PIK3CD: variants seen among roughly 807,000 people sequenced by gnomAD.
PIK3CD encodes the protein phosphatidylinositol 4,5-bisphosphate 3-kinase catalytic subunit delta isoform.
Under a neutral mutation model 122.9 loss-of-function variants are expected in PIK3CD, and 20 were observed. That is an observed-to-expected ratio of 0.16 (90% CI 0.11 to 0.24). The LOEUF (loss-of-function observed/expected upper bound fraction) is 0.24. Ranked by LOEUF, PIK3CD falls within the 10% of genes least tolerant of loss-of-function variation. The pLI is 1.00. For missense variants in PIK3CD, 787 were observed against 1,406.3 expected, an observed-to-expected ratio of 0.56 and a Z score of 7.04; for synonymous variants, 596 against 593.4, an observed-to-expected ratio of 1.00 and a Z score of -0.06.
rs1646195364 is a variant in PIK3CD at position 9,691,524 on chromosome 1, G to C, written c.-80G>C. ...ATTGATTCTAAAGCATCTTTAATCT[G>C]CCAGGCGGAGGGGGCTTTGCTGGTC... On this transcript the variant is annotated 5_prime_UTR_variant, in exon 2 of 24. Transcript: ENST00000377346. 2.5e-6 allele frequency: 1 copy of C among 398,646 alleles called. No individual in the cohort carries two copies. The highest frequency in any genetic ancestry group is 4.4e-6 in the Non-Finnish European group (1 of 226,092). The allele number at this position is 398,646 out of a possible 1,614,324, so 24.7% of individuals were successfully genotyped here. A position where few individuals can be genotyped will look rare whatever the true frequency, so the allele number is the denominator to read the frequency against.
chr1:9,719,660 CA>C lies in PIK3CD; in HGVS notation c.1243-247del, dbSNP rs34093717. Among the ~76,000 whole-genome samples, 104 of 126,762 alleles carry C rather than the reference CA, an allele frequency of 8.2e-4. No individual in the cohort carries two copies. Among genetic ancestry groups the C allele is most frequent in the Admixed American group, 1.4e-3 (18 of 12,686 alleles). The allele number at this position is 126,762 out of a possible 152,430, so 83.2% of individuals were successfully genotyped here. A position where few individuals can be genotyped will look rare whatever the true frequency, so the allele number is the denominator to read the frequency against. On this transcript the variant is annotated intron_variant, in intron 9 of 23. Transcript: ENST00000377346. The surrounding 1 kb of genome is among the most constrained non-coding windows in gnomAD (Gnocchi z 5.5). ...TGGGTGACAGAGCAAGACTCCGTCT[CA>C]AAAAAAAAAAAAAGCCTGAGTAGGG...
At position 9,684,845 on chromosome 1, in the gene PIK3CD, C is replaced by CAA. The variant is rs200995845; in HGVS notation, c.-137-6607_-137-6606dup. Among the ~76,000 whole-genome samples, 245 of 108,626 alleles carry CAA rather than the reference C, an allele frequency of 2.3e-3. 1 individual carries two copies. The highest frequency in any genetic ancestry group is 5.7e-3 in the South Asian group (19 of 3,312). The allele number at this position is 108,626 out of a possible 152,430, so 71.3% of individuals were successfully genotyped here. A position where few individuals can be genotyped will look rare whatever the true frequency, so the allele number is the denominator to read the frequency against. ...TGGGTCACAGTGTGAGACCCTGTCTCAAAAAAAAAAAAAAAAGAAAGAAAA... is the reference window on the plus strand; with the variant it reads ...TGGGTCACAGTGTGAGACCCTGTCTCAAAAAAAAAAAAAAAAAAGAAAGAAAA... On this transcript the variant is annotated intron_variant, in intron 1 of 23. Transcript: ENST00000377346.
chr1:9,647,871 T>C (rs1363439708), upstream of PIK3CD, among the ~76,000 whole-genome samples: 1 of 152,188 alleles, frequency 6.6e-6, no homozygotes, highest in Non-Finnish European at 1.5e-5. Flanking sequence ...TGTTTATGGA[T>C]GTAAAACAGA....
chr1:9,726,983 T>C lies in PIK3CD; in HGVS notation c.3072T>C (p.Arg1024=). ...HFRVKFNEAL[R]ESWKTKVNWL... is the part of the protein sequence containing the mutation. ...GAGTGAAGTTTAACGAAGCCCTCCG[T>C]GAGAGCTGGAAAACCAAAGTGAACT... The change falls in exon 24 of 24, where the codon CGT becomes CGC. Residue 1024 remains arginine (R), a synonymous_variant. Coordinates refer to ENST00000377346, the MANE Select transcript of PIK3CD (RefSeq NM_005026.5). The C allele has an allele frequency of 6.2e-7, 1 of 1,613,184 alleles. No individual in the cohort carries two copies. Among genetic ancestry groups the C allele is most frequent in the Non-Finnish European group, 8.5e-7 (1 of 1,179,284 alleles).
rs189896461 is a variant in PIK3CD, at chr1:9,700,684, G to A, written c.-33+9113G>A. Reference sequence around the variant, plus strand: ...TGCTGACTCCACAGATCTGTCCCCCGCCCTCCCACCTGGGGAGTTTGCCCC... The same window carrying A: ...TGCTGACTCCACAGATCTGTCCCCCACCCTCCCACCTGGGGAGTTTGCCCC... On this transcript the variant is annotated intron_variant, in intron 2 of 23. Coordinates refer to ENST00000377346, the MANE Select transcript of PIK3CD (RefSeq NM_005026.5). The surrounding 1 kb of genome is among the most constrained non-coding windows in gnomAD (Gnocchi z 5.1). 3.4e-4 allele frequency among the ~76,000 whole-genome samples: 52 copies of A among 152,072 alleles called. No homozygotes were observed. The highest frequency in any genetic ancestry group is 1.1e-3 in the African/African-American group (46 of 41,486).
chr1:9,664,558 A>T (rs1263763357), intron 1 of PIK3CD, among the ~76,000 whole-genome samples: 2 of 151,952 alleles, frequency 1.3e-5, no homozygotes. Flanking sequence ...ATGCAATTCG[A>T]CCCTTAGAGC....
intron 1 of PIK3CD, chr1:9,654,606 A>C (rs1027800857): frequency 4.3e-5 from 16 of 373,464 alleles, no homozygotes; most frequent in Non-Finnish European, 7.3e-5. Flanking sequence ...GGGAGAAGTG[A>C]ATGTGCAACG....
intron 1 of PIK3CD, among the ~76,000 whole-genome samples, chr1:9,661,236 C>A (rs1050652594): frequency 6.6e-6 from 1 of 151,442 alleles, no homozygotes; most frequent in Non-Finnish European, 1.5e-5. Context: ...TGCCCGGCCA[C>A]GCCCAGCTAA....
the PIK3CD span, among the ~76,000 whole-genome samples, chr1:9,641,989 T>C: frequency 6.6e-6 from 1 of 152,296 alleles, no homozygotes; most frequent in South Asian, 2.1e-4. Context: ...ATCTGACATC[T>C]TGACTTCACA....
intron 1 of PIK3CD, among the ~76,000 whole-genome samples, chr1:9,665,696 AAGG>A (rs1645137660): frequency 1.3e-5 from 2 of 151,938 alleles, no homozygotes; most frequent in Non-Finnish European, 2.9e-5. Context: ...TATTTAGGTA[AAGG>A]AGACTTCTTT....
intron 2 of PIK3CD, among the ~76,000 whole-genome samples, chr1:9,695,615 G>A (rs1359940887): frequency 4.6e-5 from 7 of 152,082 alleles, no homozygotes; most frequent in Non-Finnish European, 7.4e-5. Flanking sequence ...AGGCCGAGGC[G>A]GGCAGATCAC....
Position 9,728,339 on chromosome 1 carries a change from GT to G in PIK3CD, c.*1295del, listed in dbSNP as rs1010740999. The stretch of plus-strand genomic sequence containing the variant: ...GATTTGAGCAGCTTTAGAAATGCAG[GT>G]TCTAGGGCTTCTCCCAGCCTTCAGA... On this transcript the variant is annotated 3_prime_UTR_variant, in exon 24 of 24. Transcript: ENST00000377346. 1 of 152,250 alleles carries G rather than the reference GT, an allele frequency of 6.6e-6. No individual in the cohort carries two copies. Among genetic ancestry groups the G allele is most frequent in the Non-Finnish European group, 1.5e-5 (1 of 68,082 alleles). The allele number at this position is 152,250 out of a possible 1,614,324, so 9.4% of individuals were successfully genotyped here.
Position 9,715,889 on chromosome 1 carries a change from C to T in PIK3CD, c.411C>T (p.Asn137=), listed in dbSNP as rs2100845487. The change falls in exon 5 of 24, where the codon AAC becomes AAT. Residue 137 remains asparagine (N), a synonymous_variant. Coordinates refer to ENST00000377346, the MANE Select transcript of PIK3CD (RefSeq NM_005026.5). The surrounding 1 kb of genome is among the most constrained non-coding windows in gnomAD (Gnocchi z 4.1). The part of the protein sequence containing the change: ...EFDSLCDPEV[N]DFRAKMCQFC... ...ACTCCTTGTGCGACCCAGAAGTGAA[C>T]GACTTTCGCGCCAAGATGTGCCAAT... is the stretch of plus-strand genomic sequence containing the variant. The T allele has an allele frequency of 1.2e-6, 2 of 1,611,164 alleles. No individual in the cohort carries two copies. Among genetic ancestry groups the T allele is most frequent in the South Asian group, 1.1e-5 (1 of 91,038 alleles).
intron 6 of PIK3CD, 36 bp downstream of exon 6, chr1:9,716,655 C>T: frequency 6.5e-7 from 1 of 1,542,390 alleles, no homozygotes; most frequent in Non-Finnish European, 8.8e-7. Flanking sequence ...TCTGGGCTCC[C>T]AACGCCCTGG....
intron 23 of PIK3CD, among the ~76,000 whole-genome samples, chr1:9,726,390 T>C (rs1649614042): frequency 6.6e-6 from 1 of 151,994 alleles, no homozygotes; most frequent in South Asian, 2.1e-4. Flanking sequence ...CTGCCTGTAG[T>C]CCCAGCTACT....
rs747413166 is a variant in PIK3CD at position 9,653,919 on chromosome 1, G to T, written c.-138+2117G>T. On this transcript the variant is annotated intron_variant, in intron 1 of 23. Transcript: ENST00000377346. ...GCTGGAGGAGTGCTCTTAAAACCCAGTTGTGGCTGAGAGCGGTAGCTCATA... is the reference window on the plus strand; with the variant it reads ...GCTGGAGGAGTGCTCTTAAAACCCATTTGTGGCTGAGAGCGGTAGCTCATA... 2.2e-6 allele frequency: 3 copies of T among 1,366,732 alleles called. No individual in the cohort carries two copies. The Admixed American group carries it at 5.7e-5, about 26-fold the overall frequency. 84.7% of individuals were successfully genotyped at this position (1,366,732 alleles called of 1,614,324 possible). A position where few individuals can be genotyped will look rare whatever the true frequency, so the allele number is the denominator to read the frequency against.
At chr1:9,673,298 C>T (rs769673603) in intron 1 of PIK3CD, among the ~76,000 whole-genome samples, 29 of 151,960 alleles carry the variant, frequency 1.9e-4, no homozygotes, top group Non-Finnish European at 3.8e-4. Context: ...CTCCCTCTGT[C>T]GCCCCGGCTG....
rs1490194373 is a variant in PIK3CD at position 9,720,250 on chromosome 1, G to A, written c.1470+8G>A. On this transcript the variant is annotated splice_region_variant and intron_variant, in intron 11 of 23. Coordinates refer to ENST00000377346, the MANE Select transcript of PIK3CD (RefSeq NM_005026.5). The surrounding 1 kb of genome is among the most constrained non-coding windows in gnomAD (Gnocchi z 9.0). ...TACCCCGCCCTGGAGAAGGTCAGTG[G>A]GGGCCCCGCCGCGTGAGGCTGAGGG... The A allele has an allele frequency of 6.2e-7, 1 of 1,601,036 alleles. No homozygotes were observed. Among genetic ancestry groups the A allele is most frequent in the Admixed American group, 1.7e-5 (1 of 59,704 alleles).
chr1:9,699,215 C>T (rs902504487), intron 2 of PIK3CD, among the ~76,000 whole-genome samples: 1 of 151,924 alleles, frequency 6.6e-6, no homozygotes, highest in Non-Finnish European at 1.5e-5. Context: ...CTCTGCGAAC[C>T]GTGCCAAAAA....
Sources: allele counts gnomAD v4.1 joint callset (sites outside exome capture counted in the v4.1 genomes callset), GRCh38; gene constraint gnomAD v4.1.1; non-coding constraint Gnocchi (gnomAD v3.1); transcripts MANE v1.5; gene names NCBI Gene and HGNC (gene_info 2026-07-23, HGNC 2026-07-21).